Variants in BCAP29 observed in about 807,000 individuals in gnomAD.
The protein encoded by BCAP29 is B cell receptor associated protein 29, also known as B-cell receptor-associated protein 29.
BCAP29 carries 34 observed loss-of-function variants against 31.8 expected under a neutral mutation model. The ratio of observed to expected loss-of-function variants is 1.07; its 90% confidence interval spans 0.81 to 1.42. The LOEUF (loss-of-function observed/expected upper bound fraction) is 1.42. Among genes scored for constraint, BCAP29 ranks in the 40% most tolerant of loss-of-function variants. The pLI is 0.00. For synonymous variants in BCAP29, 104 were observed against 91.3 expected, an observed-to-expected ratio of 1.14 and a Z score of -0.79; for missense variants, 314 against 269.2, an observed-to-expected ratio of 1.17 and a Z score of -1.16.
chr7:107,605,025 G>A (rs1410080461), intron 6 of BCAP29, among the ~76,000 whole-genome samples: 1 of 151,992 alleles, frequency 6.6e-6, no homozygotes, highest in African/African-American at 2.4e-5. Flanking sequence ...CAGAAAAAAG[G>A]GTTTGCTTGC....
chr7:107,597,043 G>A (rs1029227495), intron 5 of BCAP29, among the ~76,000 whole-genome samples: 4 of 152,178 alleles, frequency 2.6e-5, no homozygotes, highest in African/African-American at 9.7e-5. Context: ...CCAGTACACA[G>A]TGGGGAGAAA....
intron 3 of BCAP29, among the ~76,000 whole-genome samples, chr7:107,586,535 T>G (rs371292506): frequency 1.3e-5 from 2 of 152,178 alleles, no homozygotes; most frequent in East Asian, 3.9e-4. Flanking sequence ...CTTTCGTGTT[T>G]TAAGATTTAA....
At chr7:107,594,342 C>CT in intron 4 of BCAP29, 1 of 472,812 alleles carries the variant, frequency 2.1e-6, no homozygotes. Context: ...GGCACACCAC[C>CT]ATGTAGGGCT....
chr7:107,591,643 C>CAT (rs1563128968), intron 3 of BCAP29, among the ~76,000 whole-genome samples: 7 of 146,880 alleles, frequency 4.8e-5, no homozygotes, highest in Non-Finnish European at 1.0e-4. Context: ...TACACACATA[C>CAT]ACACACACAC....
At chr7:107,595,717 C>T in intron 4 of BCAP29, 150 bp from the exon 5 acceptor site, 2 of 747,678 alleles carry the variant, frequency 2.7e-6, no homozygotes, top group East Asian at 3.4e-5. Flanking sequence ...TACTAAGAGA[C>T]TTGAATTAAA....
chr7:107,606,313 T>C (rs1054666935), intron 6 of BCAP29, among the ~76,000 whole-genome samples: 6 of 152,260 alleles, frequency 3.9e-5, no homozygotes, highest in African/African-American at 1.2e-4. Context: ...GTCTATTATA[T>C]AGCTCCAAAT....
At chr7:107,598,118 A>G (rs2129243741) in intron 5 of BCAP29, among the ~76,000 whole-genome samples, 2 of 152,304 alleles carry the variant, frequency 1.3e-5, no homozygotes, top group East Asian at 3.9e-4. Context: ...ACTAACACAA[A>G]TCCACCTTTT....
intron 6 of BCAP29, among the ~76,000 whole-genome samples, chr7:107,606,928 T>C (rs1216225169): frequency 1.3e-5 from 2 of 152,196 alleles, no homozygotes; most frequent in Non-Finnish European, 1.5e-5. Flanking sequence ...TATACATATT[T>C]TTAAAGCAAA....
chr7:107,615,155 A>C (rs553844311), intron 7 of BCAP29: 1 of 453,602 alleles, frequency 2.2e-6, no homozygotes, highest in African/African-American at 2.0e-5. Flanking sequence ...CCATTGTTGA[A>C]TGTCTCCATT....
downstream of BCAP29, chr7:107,621,818 A>G (rs760415456): frequency 1.4e-5 from 7 of 508,736 alleles, no homozygotes; most frequent in Non-Finnish European, 2.5e-5. Flanking sequence ...TAAAACTGAT[A>G]TTGGACTTCC....
At chr7:107,608,301 A>G (rs1004330337) in intron 6 of BCAP29, among the ~76,000 whole-genome samples, 5 of 152,078 alleles carry the variant, frequency 3.3e-5, no homozygotes, top group Admixed American at 1.3e-4. Context: ...TCTGTTGTCT[A>G]CCATTTGTTT....
intron 6 of BCAP29, among the ~76,000 whole-genome samples, chr7:107,600,984 G>T (rs1409338808): frequency 6.6e-6 from 1 of 152,100 alleles, no homozygotes; most frequent in African/African-American, 2.4e-5. Flanking sequence ...ACAATATCTG[G>T]GATGTCAGCT....
rs963529093 is a variant in BCAP29, at chr7:107,617,029, G to A, written c.691-1299G>A. ...GCTGGGATTATAGGCTCGAGCCACC[G>A]TGCCCAGCCAAGAACCCTTTTCTTT... On this transcript the variant is annotated intron_variant, in intron 7 of 7. Coordinates refer to ENST00000005259, the MANE Select transcript of BCAP29 (RefSeq NM_018844.4). 3.3e-5 allele frequency among the ~76,000 whole-genome samples: 5 copies of A among 152,198 alleles called. 1 individual carries two copies. The Middle Eastern group carries it at 0.014, about 414-fold the overall frequency.
At chr7:107,604,233 C>T (rs1298797943) in intron 6 of BCAP29, among the ~76,000 whole-genome samples, 1 of 152,140 alleles carries the variant, frequency 6.6e-6, no homozygotes. Flanking sequence ...ACTAAAATTA[C>T]CTTTTGCAGA....
intron 3 of BCAP29, among the ~76,000 whole-genome samples, chr7:107,590,820 G>GA (rs751097308): frequency 3.8e-4 from 54 of 142,334 alleles, no homozygotes; most frequent in East Asian, 1.5e-3. Flanking sequence ...CCCTGTCTCA[G>GA]AAAAAAAAAA....
downstream of BCAP29, chr7:107,620,792 C>G (rs1450581599): frequency 6.6e-6 from 1 of 152,224 alleles, no homozygotes; most frequent in Non-Finnish European, 1.5e-5. Context: ...GCATAAGTTC[C>G]TCTCTTGGCT....
At chr7:107,590,463 G>A (rs1055597234) in intron 3 of BCAP29, among the ~76,000 whole-genome samples, 2 of 152,104 alleles carry the variant, frequency 1.3e-5, no homozygotes, top group Non-Finnish European at 2.9e-5. Flanking sequence ...GAAATGAAAG[G>A]CTTAAAGATT....
At position 107,595,710 on chromosome 7, in the gene BCAP29, TAA is replaced by T. The variant is rs1193784985; in HGVS notation, c.345-156_345-155del. 4.3e-6 allele frequency: 3 copies of T among 690,410 alleles called. No individual in the cohort carries two copies. The African/African-American group carries it at 5.7e-5, about 13-fold the overall frequency. The allele number at this position is 690,410 out of a possible 1,614,324, so 42.8% of individuals were successfully genotyped here. ...GAATGAGACACGGGCCTGTTTTTAC[TAA>T]GAGACTTGAATTAAAAAAAGAATAA... is the stretch of plus-strand genomic sequence containing the variant. On this transcript the variant is annotated intron_variant, in intron 4 of 7. Coordinates refer to ENST00000005259, the MANE Select transcript of BCAP29 (RefSeq NM_018844.4).
chr7:107,614,044 C>T (rs1443646222), intron 7 of BCAP29, among the ~76,000 whole-genome samples: 3 of 152,114 alleles, frequency 2.0e-5, no homozygotes, highest in Non-Finnish European at 4.4e-5. Context: ...AGCCAGTAAC[C>T]TGAATTGATT....
Sources: allele counts gnomAD v4.1 joint callset (sites outside exome capture counted in the v4.1 genomes callset), GRCh38; gene constraint gnomAD v4.1.1; transcripts MANE v1.5; gene names NCBI Gene and HGNC (gene_info 2026-07-23, HGNC 2026-07-21).